Variants in CALD1 observed in about 807,000 individuals in gnomAD.
The protein encoded by CALD1 is caldesmon.
CALD1 carries 33 observed loss-of-function variants against 99.9 expected under a neutral mutation model. The ratio of observed to expected loss-of-function variants is 0.33; its 90% confidence interval spans 0.25 to 0.44. The LOEUF (loss-of-function observed/expected upper bound fraction) is 0.44, where lower values mean the gene tolerates loss of function less well. CALD1 is among the 20% of genes least tolerant of loss of function. The pLI is 1.00. For missense variants in CALD1, 861 were observed against 962.1 expected, an observed-to-expected ratio of 0.89 and a Z score of 1.39; for synonymous variants, 310 against 325.0, an observed-to-expected ratio of 0.95 and a Z score of 0.50.
chr7:134,906,895 T>C (rs1370361532), intron 3 of CALD1, among the ~76,000 whole-genome samples: 1 of 152,148 alleles, frequency 6.6e-6, no homozygotes, highest in Non-Finnish European at 1.5e-5. Context: ...TGAGCAGAAC[T>C]GTGACATCTT....
intron 1 of CALD1, chr7:134,809,579 T>C (rs1256340005): frequency 6.6e-6 from 1 of 152,244 alleles, no homozygotes; most frequent in East Asian, 1.9e-4. Context: ...ATTCTGCTCA[T>C]GTCTTTTCCA....
chr7:134,819,593 T>C (rs1798691924), intron 1 of CALD1, among the ~76,000 whole-genome samples: 1 of 152,218 alleles, frequency 6.6e-6, no homozygotes, highest in Non-Finnish European at 1.5e-5. Flanking sequence ...TTTAACTATC[T>C]TTACAACCTC....
intron 3 of CALD1, among the ~76,000 whole-genome samples, chr7:134,878,187 G>A (rs1353984448): frequency 6.6e-6 from 1 of 152,122 alleles, no homozygotes; most frequent in East Asian, 1.9e-4. Context: ...CTGGGATCCA[G>A]GCATTCCAAA....
At chr7:134,873,041 G>A (rs1218394559) in intron 3 of CALD1, among the ~76,000 whole-genome samples, 2 of 151,920 alleles carry the variant, frequency 1.3e-5, no homozygotes, top group East Asian at 3.9e-4. Flanking sequence ...AAAAAAATTC[G>A]CTGGGCATAG....
chr7:134,772,242 C>T (rs1173509646), intron 1 of CALD1, among the ~76,000 whole-genome samples: 1 of 151,948 alleles, frequency 6.6e-6, no homozygotes, highest in Non-Finnish European at 1.5e-5. Context: ...TACAGGTGTG[C>T]ACCACCACAC....
intron 9 of CALD1, 24 bp downstream of exon 9, chr7:134,950,538 C>A: frequency 6.3e-7 from 1 of 1,599,174 alleles, no homozygotes; most frequent in Non-Finnish European, 8.6e-7. Context: ...CAGAAAACTT[C>A]TATTAGAATA....
chr7:134,932,485 A>C (rs768675759), intron 4 of CALD1, among the ~76,000 whole-genome samples: 10 of 152,250 alleles, frequency 6.6e-5, no homozygotes, highest in Non-Finnish European at 1.3e-4. Flanking sequence ...CAACGATTTG[A>C]CTGCAAGTCG....
At chr7:134,788,144 C>T (rs1797378560) in intron 1 of CALD1, among the ~76,000 whole-genome samples, 1 of 152,156 alleles carries the variant, frequency 6.6e-6, no homozygotes, top group Admixed American at 6.5e-5. Context: ...TATAAACTTA[C>T]AATTAAACAC....
intron 2 of CALD1, among the ~76,000 whole-genome samples, chr7:134,865,433 G>A (rs1800761643): frequency 6.6e-6 from 1 of 151,644 alleles, no homozygotes; most frequent in Non-Finnish European, 1.5e-5. Context: ...ACCCACTCGT[G>A]TGCACAAAGC....
intron 1 of CALD1, among the ~76,000 whole-genome samples, chr7:134,781,371 T>C (rs1047864392): frequency 2.0e-5 from 3 of 152,230 alleles, no homozygotes; most frequent in African/African-American, 7.2e-5. Flanking sequence ...AACTGTGCTA[T>C]GACCACTCTC....
chr7:134,912,487 C>A (rs946443767), intron 3 of CALD1, among the ~76,000 whole-genome samples: 1 of 152,192 alleles, frequency 6.6e-6, no homozygotes, highest in Admixed American at 6.5e-5. Context: ...TGCTTGTGAA[C>A]GCAGACCAGT....
At chr7:134,731,032 C>T in the CALD1 span, among the ~76,000 whole-genome samples, 1 of 152,118 alleles carries the variant, frequency 6.6e-6, no homozygotes, top group African/African-American at 2.4e-5. Context: ...AACAGCACAC[C>T]TCACCCATGT....
chr7:134,782,130 C>G (rs1327024734), intron 1 of CALD1, among the ~76,000 whole-genome samples: 1 of 152,170 alleles, frequency 6.6e-6, no homozygotes, highest in African/African-American at 2.4e-5. Flanking sequence ...TTCTTGATAG[C>G]ATGATTACCA....
At chr7:134,737,922 A>T in the CALD1 span, among the ~76,000 whole-genome samples, 1 of 152,226 alleles carries the variant, frequency 6.6e-6, no homozygotes, top group Admixed American at 6.5e-5. Flanking sequence ...GTAATTTTAA[A>T]AACCAAATTC....
the CALD1 span, among the ~76,000 whole-genome samples, chr7:134,728,845 C>CTTTTTTTTTTTTTTTTTTTTT: frequency 1.6e-5 from 2 of 124,228 alleles, no homozygotes; most frequent in African/African-American, 2.9e-5. Flanking sequence ...TATACCTTTT[C>CTTTTTTTTTTTTTTTTTTTTT]TTTTTTTTTT....
chr7:134,869,950 T>C (rs1029007353), intron 3 of CALD1, among the ~76,000 whole-genome samples: 3 of 152,098 alleles, frequency 2.0e-5, no homozygotes, highest in African/African-American at 7.2e-5. Context: ...TGAGTGGACA[T>C]GGTGGACATG....
At chr7:134,718,276 G>A in the CALD1 span, among the ~76,000 whole-genome samples, 2 of 152,276 alleles carry the variant, frequency 1.3e-5, no homozygotes, top group African/African-American at 2.4e-5. Context: ...TAAGCTTGAT[G>A]TCATAAGCAC....
intron 7 of CALD1, among the ~76,000 whole-genome samples, chr7:134,943,743 T>C (rs950138338): frequency 1.3e-5 from 2 of 152,212 alleles, no homozygotes; most frequent in Admixed American, 6.5e-5. Flanking sequence ...TATCTATGTA[T>C]ATAATATTCA....
intron 1 of CALD1, among the ~76,000 whole-genome samples, chr7:134,801,389 C>T (rs1797935498): frequency 6.6e-6 from 1 of 152,078 alleles, no homozygotes; most frequent in African/African-American, 2.4e-5. Context: ...TTTCTTTGCT[C>T]ACCCTTGCTT....
Sources: allele counts gnomAD v4.1 joint callset (sites outside exome capture counted in the v4.1 genomes callset), GRCh38; gene constraint gnomAD v4.1.1; transcripts MANE v1.5; gene names NCBI Gene and HGNC (gene_info 2026-07-23, HGNC 2026-07-21).